Variants in DET1 observed in about 807,000 individuals in gnomAD.
DET1 encodes DET1 partner of COP1 E3 ubiquitin ligase, also known as DET1 homolog.
A neutral mutation model predicts 43.7 loss-of-function variants in DET1; 22 were observed. That is an observed-to-expected ratio of 0.50 (90% CI 0.36 to 0.72). The LOEUF is 0.72. DET1 is among the 30% of genes least tolerant of loss of function. The pLI, the probability that DET1 is intolerant of heterozygous loss-of-function variation, is 0.00. For missense variants in DET1, 713 were observed against 713.3 expected (o/e 1.00, Z 0.00); for synonymous variants, 315 against 266.2 (o/e 1.18, Z -1.79).
At chr15:88,544,800 C>G (rs2057204522) in intron 1 of DET1, among the ~76,000 whole-genome samples, 1 of 152,124 alleles carries the variant, frequency 6.6e-6, no homozygotes, top group African/African-American at 2.4e-5. Flanking sequence ...TTTGCAAACA[C>G]CACTTGGAGG....
intron 1 of DET1, among the ~76,000 whole-genome samples, chr15:88,545,219 G>A (rs2057219613): frequency 6.6e-6 from 1 of 152,040 alleles, no homozygotes; most frequent in African/African-American, 2.4e-5. Context: ...GCATGTCATG[G>A]AAATTAACAT....
At chr15:88,527,001 T>C (rs2056680280) in intron 3 of DET1, among the ~76,000 whole-genome samples, 1 of 152,208 alleles carries the variant, frequency 6.6e-6, no homozygotes, top group Non-Finnish European at 1.5e-5. Flanking sequence ...GCTTGTTTCT[T>C]GATGACTTAG....
intron 1 of DET1, among the ~76,000 whole-genome samples, chr15:88,543,314 G>T (rs911712720): frequency 6.6e-6 from 1 of 152,136 alleles, no homozygotes; most frequent in Non-Finnish European, 1.5e-5. Flanking sequence ...GTTAATTCTG[G>T]GCCAGGATTT....
At chr15:88,538,337 A>G (rs1325497605) in intron 1 of DET1, among the ~76,000 whole-genome samples, 3 of 151,132 alleles carry the variant, frequency 2.0e-5, no homozygotes, top group Middle Eastern at 3.4e-3. Flanking sequence ...CCAAGAATTC[A>G]TCTGATTGAT....
chr15:88,522,512 G>GTTTTTTTTTTTTT (rs55764530), intron 3 of DET1, among the ~76,000 whole-genome samples: 6,546 of 78,874 alleles, frequency 0.083, 1,537 homozygotes, highest in East Asian at 0.33. Context: ...AATGTTCCTG[G>GTTTTTTTTTTTTT]TTTTTTTTTT....
intron 1 of DET1, among the ~76,000 whole-genome samples, chr15:88,532,726 C>A (rs988546317): frequency 1.3e-5 from 2 of 152,126 alleles, no homozygotes; most frequent in Non-Finnish European, 2.9e-5. Flanking sequence ...GTTGGGAAAA[C>A]TGAATAGCCA....
At position 88,512,787 on chromosome 15, in the gene DET1, T is replaced by G; in HGVS notation, c.*164A>C. 2 of 1,392,416 alleles carry G rather than the reference T, an allele frequency of 1.4e-6. No homozygotes were observed. Among genetic ancestry groups the G allele is most frequent in the South Asian group, 1.8e-5 (1 of 54,544 alleles). The allele number at this position is 1,392,416 out of a possible 1,614,324, so 86.3% of individuals were successfully genotyped here. ...TATTGTATACAATTTAAAAATTCCATTAGGTTGAGCCACCCTCACTCCTCT... is the reference window on the plus strand; with the variant it reads ...TATTGTATACAATTTAAAAATTCCAGTAGGTTGAGCCACCCTCACTCCTCT... On this transcript the variant is annotated 3_prime_UTR_variant, in exon 5 of 5. Transcript: ENST00000268148.
At chr15:88,543,436 A>G (rs1024588921) in intron 1 of DET1, among the ~76,000 whole-genome samples, 3 of 152,174 alleles carry the variant, frequency 2.0e-5, no homozygotes, top group Non-Finnish European at 4.4e-5. Context: ...GCCTCGTTTG[A>G]CTTTCTCTCC....
chr15:88,531,775 T>C lies in DET1; in HGVS notation c.-10-60A>G, dbSNP rs942637741. 2.1e-6 allele frequency: 3 copies of C among 1,455,612 alleles called. No individual in the cohort carries two copies. The highest frequency in any genetic ancestry group is 2.8e-6 in the Non-Finnish European group (3 of 1,088,850). The allele number at this position is 1,455,612 out of a possible 1,614,324, so 90.2% of individuals were successfully genotyped here. On this transcript the variant is annotated intron_variant, in intron 1 of 4. Transcript: ENST00000268148. The surrounding 1 kb of genome is among the most constrained non-coding windows in gnomAD (Gnocchi z 6.2). ...GAAACAGAATTTACCAAAATATAAA[T>C]ATATACAAGTGAAACAGATTTCTCT... is the stretch of plus-strand genomic sequence containing the variant.
At chr15:88,518,392 T>C (rs2056404203) in intron 3 of DET1, among the ~76,000 whole-genome samples, 1 of 152,190 alleles carries the variant, frequency 6.6e-6, no homozygotes, top group South Asian at 2.1e-4. Flanking sequence ...AATGGAAAAC[T>C]ACCATTTTCA....
intron 4 of DET1, 60 bp from the exon 5 acceptor site, chr15:88,513,200 A>T: frequency 6.7e-7 from 1 of 1,491,938 alleles, no homozygotes; most frequent in Non-Finnish European, 9.0e-7. Context: ...TCACCATCGA[A>T]CTGAAATCTA....
chr15:88,513,595 C>T lies in DET1; in HGVS notation c.1464-455G>A, dbSNP rs1471334744. Among the ~76,000 whole-genome samples, 7 of 148,654 alleles carry T rather than the reference C, an allele frequency of 4.7e-5. No homozygotes were observed. In the East Asian group the frequency reaches 1.2e-3, roughly 25 times the overall value. On this transcript the variant is annotated intron_variant, in intron 4 of 4. Transcript: ENST00000268148. ...AATATATCTAAAATATTATTTCAAC[C>T]TATAATCAATATCAAACTATTAGTG...
chr15:88,508,633 G>C (rs375674914), downstream of DET1, among the ~76,000 whole-genome samples: 69 of 152,342 alleles, frequency 4.5e-4, no homozygotes, highest in African/African-American at 1.4e-3. Flanking sequence ...AGAAGGACTA[G>C]AGGTGACCAC....
intron 3 of DET1, among the ~76,000 whole-genome samples, chr15:88,518,105 A>ATTTT (rs11327620): frequency 2.2e-5 from 3 of 133,398 alleles, no homozygotes; most frequent in Admixed American, 1.5e-4. Flanking sequence ...CACCCAGCTA[A>ATTTT]TTTTTTTTTT....
In DET1 at chr15:88,512,995, C is replaced by T; in HGVS notation, c.1609G>A (p.Ala537Thr). 1.9e-6 allele frequency: 3 copies of T among 1,614,062 alleles called. No homozygotes were observed. The highest frequency in any genetic ancestry group is 2.5e-6 in the Non-Finnish European group (3 of 1,179,902). The stretch of plus-strand genomic sequence containing the variant: ...ATATGGAAGTTGACAACATACTCAG[C>T]ATTAGTCCTCTGCACAGAAATAGCG... Reference protein sequence around the residue: ...PFAISVQRTNAEYVVNFHMRH... With the variant: ...PFAISVQRTNTEYVVNFHMRH... The change falls in exon 5 of 5, where the codon GCT (alanine) becomes ACT (threonine). Residue 537 changes from alanine (A) to threonine (T), a missense_variant. Physicochemically the swap from Ala to Thr is moderately conservative, Grantham distance 58. Transcript: ENST00000268148.
downstream of DET1, among the ~76,000 whole-genome samples, chr15:88,510,774 T>TG (rs1432400231): frequency 8.6e-5 from 13 of 150,346 alleles, no homozygotes; most frequent in East Asian, 2.5e-3. Flanking sequence ...TTTTTTTGTT[T>TG]TTTTTTTTTT....
At chr15:88,523,798 C>G (rs2056573289) in intron 3 of DET1, among the ~76,000 whole-genome samples, 1 of 152,208 alleles carries the variant, frequency 6.6e-6, no homozygotes, top group Non-Finnish European at 1.5e-5. Flanking sequence ...ACAACCTCCA[C>G]CTCCCAGCCG....
chr15:88,541,656 T>C (rs1335874341), intron 1 of DET1, among the ~76,000 whole-genome samples: 6 of 152,228 alleles, frequency 3.9e-5, no homozygotes, highest in Non-Finnish European at 2.9e-5. Context: ...TCAAGCCGTG[T>C]GGCGGGTTGT....
chr15:88,531,790 C>A lies in DET1; in HGVS notation c.-10-75G>T. ...AAAATATAAATATATACAAGTGAAACAGATTTCTCTTCTTATATCCTGAAC... is the reference window on the plus strand; with the variant it reads ...AAAATATAAATATATACAAGTGAAAAAGATTTCTCTTCTTATATCCTGAAC... On this transcript the variant is annotated intron_variant, in intron 1 of 4. Coordinates refer to ENST00000268148, the MANE Select transcript of DET1 (RefSeq NM_001144074.3). This position sits in a 1 kb window ranked among gnomAD's most constrained non-coding sequence, Gnocchi z 6.2. 3 of 1,375,942 alleles carry A rather than the reference C, an allele frequency of 2.2e-6. No individual in the cohort carries two copies. Among genetic ancestry groups the A allele is most frequent in the Non-Finnish European group, 2.9e-6 (3 of 1,031,096 alleles). The allele number at this position is 1,375,942 out of a possible 1,614,324, so 85.2% of individuals were successfully genotyped here.
Sources: gnomAD v4.1 joint callset for allele counts (sites outside exome capture counted in the v4.1 genomes callset) on GRCh38, gnomAD v4.1.1 for gene constraint, Gnocchi (gnomAD v3.1) non-coding constraint, MANE v1.5 for transcripts, NCBI Gene and HGNC (gene_info 2026-07-23, HGNC 2026-07-21) for gene names.